CA8: variants seen among roughly 807,000 people sequenced by gnomAD.
The protein encoded by CA8 is carbonic anhydrase-related protein.
Under a neutral mutation model 41.4 loss-of-function variants are expected in CA8, and 22 were observed. The observed-to-expected ratio is 0.53, with a 90% CI of 0.38 to 0.76. CA8 has a LOEUF of 0.76. Among genes scored for constraint, CA8 ranks in the 30% least tolerant of loss-of-function variants. The probability of loss-of-function intolerance (pLI) is 0.00; values close to 1 mark genes in which losing one functional copy is unlikely to be tolerated. For synonymous variants in CA8, 121 were observed against 130.6 expected (o/e 0.93, Z 0.50); for missense variants, 270 against 352.8 (o/e 0.77, Z 1.88).
rs187900359 is a variant in CA8 at position 60,225,535 on chromosome 8, T to C, written c.577-950A>G. ...ATTGTCTTTTTATCAGCTTTTTTTA[T>C]CTGGACTGGGCATCCCTTGGAAGCT... On this transcript the variant is annotated intron_variant, in intron 5 of 8. Coordinates refer to ENST00000317995, the MANE Select transcript of CA8 (RefSeq NM_004056.6). Among the ~76,000 whole-genome samples, 70 of 152,288 alleles carry C rather than the reference T, an allele frequency of 4.6e-4. 1 individual carries two copies. The highest frequency in any genetic ancestry group is 1.6e-3 in the African/African-American group (65 of 41,564).
Position 60,281,164 on chromosome 8 carries a change from C to G in CA8, c.-17G>C. ...GTCCGCCATGGGAAGGCCGCGGGGC[C>G]CCTCGGCGCTCTCGGCAGCAGTGCC... On this transcript the variant is annotated 5_prime_UTR_variant, in exon 1 of 9. Coordinates refer to ENST00000317995, the MANE Select transcript of CA8 (RefSeq NM_004056.6). 6.5e-7 allele frequency: 1 copy of G among 1,535,388 alleles called. No homozygotes were observed. Among genetic ancestry groups the G allele is most frequent in the Non-Finnish European group, 8.8e-7 (1 of 1,137,286 alleles).
chr8:60,198,065 CA>C (rs1806328371), intron 8 of CA8, among the ~76,000 whole-genome samples: 1 of 151,986 alleles, frequency 6.6e-6, no homozygotes, highest in African/African-American at 2.4e-5. Context: ...GATAAGAAGG[CA>C]AAAGATAAAC....
At chr8:60,206,467 C>T (rs1190742417) in intron 8 of CA8, among the ~76,000 whole-genome samples, 1 of 152,048 alleles carries the variant, frequency 6.6e-6, no homozygotes, top group African/African-American at 2.4e-5. Flanking sequence ...GAATAATCTC[C>T]CTTCATTAAA....
At chr8:60,219,537 C>G (rs537923001) in intron 7 of CA8, among the ~76,000 whole-genome samples, 1 of 152,086 alleles carries the variant, frequency 6.6e-6, no homozygotes, top group Non-Finnish European at 1.5e-5. Flanking sequence ...CATGTGTTTC[C>G]AACTGTCTGA....
At chr8:60,200,197 A>T (rs1159406658) in intron 8 of CA8, among the ~76,000 whole-genome samples, 2 of 152,228 alleles carry the variant, frequency 1.3e-5, no homozygotes, top group African/African-American at 4.8e-5. Context: ...GCCTCACCAG[A>T]TACCAAACCT....
intron 3 of CA8, among the ~76,000 whole-genome samples, chr8:60,253,241 AT>A (rs1808512295): frequency 2.0e-5 from 3 of 152,288 alleles, no homozygotes; most frequent in South Asian, 4.2e-4. Flanking sequence ...TCTCAAAAAA[AT>A]AAATAAAAAT....
intron 7 of CA8, among the ~76,000 whole-genome samples, chr8:60,212,742 A>T (rs1183430586): frequency 6.6e-6 from 1 of 152,222 alleles, no homozygotes; most frequent in Non-Finnish European, 1.5e-5. Context: ...ACCTATAGTT[A>T]ACAATACTGC....
At chr8:60,241,656 G>A (rs1228348419) in intron 3 of CA8, among the ~76,000 whole-genome samples, 1 of 151,588 alleles carries the variant, frequency 6.6e-6, no homozygotes, top group Non-Finnish European at 1.5e-5. Context: ...TCATTTTTAT[G>A]TTTTATATTT....
chr8:60,202,047 CT>C (rs780582775), intron 8 of CA8, among the ~76,000 whole-genome samples: 267 of 139,650 alleles, frequency 1.9e-3, no homozygotes, highest in Middle Eastern at 3.8e-3. Flanking sequence ...GACTCAGTTT[CT>C]TTTTTTTTTT....
intron 7 of CA8, among the ~76,000 whole-genome samples, chr8:60,218,826 G>A (rs1332917759): frequency 1.3e-5 from 2 of 152,066 alleles, no homozygotes; most frequent in East Asian, 1.9e-4. Flanking sequence ...GTGACTATAC[G>A]ACCCACGGCC....
Position 60,257,996 on chromosome 8 carries a change from T to C in CA8, c.417+7929A>G, listed in dbSNP as rs76964582. Among the ~76,000 whole-genome samples the C allele has an allele frequency of 4.5e-3, 690 of 152,286 alleles. 4 individuals are homozygous for C. Among genetic ancestry groups the C allele is most frequent in the African/African-American group, 0.016 (650 of 41,556 alleles). On this transcript the variant is annotated intron_variant, in intron 3 of 8. Transcript: ENST00000317995. ...GGTCCAAAAATATTAAATGGAAAAT[T>C]GCAGAAATAAACAGTTCATATGTTT...
intron 4 of CA8, among the ~76,000 whole-genome samples, chr8:60,227,213 C>T (rs1182602425): frequency 4.6e-5 from 7 of 152,200 alleles, no homozygotes; most frequent in African/African-American, 1.7e-4. Flanking sequence ...ATCGCTTGAA[C>T]CCAGGAGGCG....
chr8:60,223,308 G>A (rs1283798304), intron 6 of CA8, among the ~76,000 whole-genome samples: 1 of 151,536 alleles, frequency 6.6e-6, no homozygotes, highest in Non-Finnish European at 1.5e-5. Context: ...TTTTTCTTAA[G>A]AGACAGGGTC....
chr8:60,208,943 T>G, intron 7 of CA8, 24 bp from the exon 8 acceptor site: 3 of 1,612,408 alleles, frequency 1.9e-6, no homozygotes, highest in Non-Finnish European at 2.5e-6. Flanking sequence ...CAGAAGAAAA[T>G]AGATTAATCA....
At chr8:60,232,712 T>C (rs1478729704) in intron 3 of CA8, 2 of 367,452 alleles carry the variant, frequency 5.4e-6, no homozygotes, top group East Asian at 1.3e-4. Context: ...GAAACAAAAC[T>C]CCAGGTCTGG....
intron 3 of CA8, among the ~76,000 whole-genome samples, chr8:60,260,351 C>A (rs531238073): frequency 1.3e-5 from 2 of 152,274 alleles, no homozygotes; most frequent in Admixed American, 1.3e-4. Context: ...TGTCACAAAG[C>A]CACTCTAACT....
At chr8:60,215,932 C>A (rs1345956617) in intron 7 of CA8, among the ~76,000 whole-genome samples, 1 of 152,216 alleles carries the variant, frequency 6.6e-6, no homozygotes, top group Non-Finnish European at 1.5e-5. Flanking sequence ...GATACCAATT[C>A]TTTCCACAAT....
In CA8 at chr8:60,188,734, C is replaced by G. The variant is rs1563514469; in HGVS notation, c.*1287G>C. The G allele has an allele frequency of 6.6e-6, 1 of 152,158 alleles. No homozygotes were observed. The highest frequency in any genetic ancestry group is 1.5e-5 in the Non-Finnish European group (1 of 68,038). 9.4% of individuals were successfully genotyped at this position (152,158 alleles called of 1,614,324 possible). On this transcript the variant is annotated 3_prime_UTR_variant, in exon 9 of 9. Transcript: ENST00000317995. ...TTCCACACATTGCCATAACCCTAGT[C>G]CTTTCTCTTGCTGCCCAAGAATACA... is the stretch of plus-strand genomic sequence containing the variant.
intron 7 of CA8, among the ~76,000 whole-genome samples, chr8:60,210,090 G>A (rs1180882663): frequency 3.3e-5 from 5 of 152,312 alleles, no homozygotes; most frequent in South Asian, 2.1e-4. Flanking sequence ...GGGAAACTGA[G>A]GCTGGAAGTT....
Sources: allele counts gnomAD v4.1 joint callset (sites outside exome capture counted in the v4.1 genomes callset), GRCh38; gene constraint gnomAD v4.1.1; transcripts MANE v1.5; gene names NCBI Gene and HGNC (gene_info 2026-07-23, HGNC 2026-07-21).